Variants in AK9 observed in about 807,000 individuals in gnomAD.
The protein encoded by AK9 is adenylate kinase domain containing 1.
In AK9, 191 loss-of-function variants were observed where a neutral mutation model predicts 239.6. That is an observed-to-expected ratio of 0.80 (90% CI 0.71 to 0.90). The LOEUF is 0.90. AK9 is among the 40% of genes least tolerant of loss of function. The pLI is 0.00. For missense variants in AK9, 1,995 were observed against 2,214.7 expected (o/e 0.90, Z 1.99); for synonymous variants, 689 against 721.0 (o/e 0.96, Z 0.71).
intron 17 of AK9, among the ~76,000 whole-genome samples, chr6:109,598,496 T>C (rs1280707228): frequency 3.3e-5 from 5 of 152,262 alleles, no homozygotes; most frequent in South Asian, 2.1e-4. Context: ...GGGTTGGTTC[T>C]AAGTCTTTGC....
intron 5 of AK9, among the ~76,000 whole-genome samples, chr6:109,671,505 G>A (rs1354953188): frequency 6.6e-6 from 1 of 152,188 alleles, no homozygotes; most frequent in African/African-American, 2.4e-5. Flanking sequence ...AATATCTGGA[G>A]CTCAACAGTA....
At chr6:109,514,463 G>A in intron 31 of AK9, 26 bp from the exon 32 acceptor site, 1 of 1,486,274 alleles carries the variant, frequency 6.7e-7, no homozygotes, top group Non-Finnish European at 9.0e-7. Flanking sequence ...AGTTGAATTT[G>A]AAAGTTAGTT....
At chr6:109,514,526 A>G (rs1779073061) in intron 31 of AK9, 89 bp from the exon 32 acceptor site, 2 of 1,150,232 alleles carry the variant, frequency 1.7e-6, no homozygotes, top group Admixed American at 2.9e-5. Context: ...AATTCGTGAC[A>G]TAAGAAAAAA....
rs558829798 is a variant in AK9 at position 109,647,418 on chromosome 6, A to G, written c.760-2730T>C. On this transcript the variant is annotated intron_variant, in intron 8 of 40. Transcript: ENST00000424296. ...GATCTACCAAGAAAATGGAAAACAA[A>G]AAAAGGCAGGGGTTGCAATCCTAGT... is the stretch of plus-strand genomic sequence containing the variant. Among the ~76,000 whole-genome samples, 31 of 152,324 alleles carry G rather than the reference A, an allele frequency of 2.0e-4. No homozygotes were observed. The South Asian group carries it at 3.1e-3, about 15-fold the overall frequency.
chr6:109,574,508 A>G (rs750900473), intron 20 of AK9, among the ~76,000 whole-genome samples: 16 of 152,322 alleles, frequency 1.1e-4, no homozygotes, highest in Admixed American at 3.9e-4. Flanking sequence ...TCTTTTGGTG[A>G]CAAAGTCAAA....
chr6:109,655,710 T>A (rs980911304), intron 8 of AK9, among the ~76,000 whole-genome samples: 2 of 152,202 alleles, frequency 1.3e-5, no homozygotes, highest in African/African-American at 4.8e-5. Flanking sequence ...CCCCCATAAA[T>A]ACAATTTTCT....
At chr6:109,652,105 AG>A (rs1283938987) in intron 8 of AK9, among the ~76,000 whole-genome samples, 2 of 152,222 alleles carry the variant, frequency 1.3e-5, no homozygotes, top group African/African-American at 4.8e-5. Context: ...CAACAAAAAA[AG>A]AGAATTTTAG....
chr6:109,635,824 A>T (rs1000692265), intron 10 of AK9, among the ~76,000 whole-genome samples: 7 of 152,186 alleles, frequency 4.6e-5, no homozygotes, highest in African/African-American at 7.2e-5. Flanking sequence ...CTTGTTCTAC[A>T]ATTATTAAGA....
chr6:109,517,264 G>A (rs979018488), intron 29 of AK9, among the ~76,000 whole-genome samples: 1 of 152,106 alleles, frequency 6.6e-6, no homozygotes, highest in Non-Finnish European at 1.5e-5. Flanking sequence ...AAGTTGGGGA[G>A]GCATGCTAAC....
At chr6:109,610,893 T>TGAG (rs1793501562) in intron 16 of AK9, among the ~76,000 whole-genome samples, 1 of 152,048 alleles carries the variant, frequency 6.6e-6, no homozygotes, top group Admixed American at 6.5e-5. Context: ...GTTACTAGCA[T>TGAG]GAGACTACAA....
At chr6:109,622,113 T>TTATATATAATG (rs1491225881) in intron 12 of AK9, among the ~76,000 whole-genome samples, 4 of 146,812 alleles carry the variant, frequency 2.7e-5, no homozygotes, top group Non-Finnish European at 4.5e-5. Flanking sequence ...ATTTTATACA[T>TTATATATAATG]TATATATAAT....
chr6:109,674,208 A>C lies in AK9; in HGVS notation c.171T>G (p.Ile57Met), dbSNP rs747201463. 2.5e-6 allele frequency: 4 copies of C among 1,579,514 alleles called. No homozygotes were observed. Among genetic ancestry groups the C allele is most frequent in the Non-Finnish European group, 3.4e-6 (4 of 1,166,610 alleles). ...AAAGATAAAATTTACCTTCAACACG[A>C]ATACATTTCCATGCCTGTGTTATGT... ...ARYITQAWKC[I>M]RVEALPILEE... The change falls in exon 3 of 41, where the codon ATT becomes ATG. Residue 57 changes from isoleucine to methionine, a missense_variant. Physicochemically the swap from Ile to Met is conservative, Grantham distance 10 (BLOSUM62 1). Around this residue, in one of 5 missense-constraint regions of AK9, gnomAD observed 252 missense variants for 246.4 expected, o/e 1.02. Transcript: ENST00000424296.
At chr6:109,618,007 G>T (rs1040515076) in intron 13 of AK9, among the ~76,000 whole-genome samples, 5 of 152,152 alleles carry the variant, frequency 3.3e-5, no homozygotes, top group Admixed American at 3.3e-4. Context: ...TACATGCAAT[G>T]CAGTTAGCAT....
At chr6:109,672,610 CAGG>C (rs1393023867) in intron 3 of AK9, among the ~76,000 whole-genome samples, 1 of 152,062 alleles carries the variant, frequency 6.6e-6, no homozygotes, top group East Asian at 1.9e-4. Flanking sequence ...CACTTGAGCC[CAGG>C]AGGTCAAGTT....
intron 21 of AK9, among the ~76,000 whole-genome samples, chr6:109,571,426 G>T (rs1787398260): frequency 6.6e-6 from 1 of 152,108 alleles, no homozygotes; most frequent in Non-Finnish European, 1.5e-5. Flanking sequence ...CTTTAAAAAT[G>T]TCCGAGAGGA....
chr6:109,663,947 A>G (rs1490085693), intron 5 of AK9, among the ~76,000 whole-genome samples: 3 of 152,208 alleles, frequency 2.0e-5, no homozygotes, highest in Non-Finnish European at 4.4e-5. Flanking sequence ...TTCTTCATGT[A>G]TTTCAGCGAA....
chr6:109,571,243 T>A (rs193206431), intron 21 of AK9, among the ~76,000 whole-genome samples: 2 of 152,208 alleles, frequency 1.3e-5, no homozygotes, highest in Non-Finnish European at 2.9e-5. Flanking sequence ...TAATACCACA[T>A]AGCTACAGAA....
rs142277030 is a variant in AK9 at position 109,493,920 on chromosome 6, C to T, written c.5533+61G>A. The T allele has an allele frequency of 5.2e-5, 66 of 1,265,110 alleles. No homozygotes were observed. In the East Asian group the frequency reaches 1.5e-3, roughly 29 times the overall value. 78.4% of individuals were successfully genotyped at this position (1,265,110 alleles called of 1,614,324 possible). A position where few individuals can be genotyped will look rare whatever the true frequency, so the allele number is the denominator to read the frequency against. ...AACACAGTTTAACAATCCTATTCAT[C>T]ACTTATACTACCATTAATGTTAAAT... On this transcript the variant is annotated intron_variant, in intron 40 of 40. Transcript: ENST00000424296.
intron 32 of AK9, among the ~76,000 whole-genome samples, chr6:109,512,880 T>C (rs1385159658): frequency 6.6e-6 from 1 of 152,254 alleles, no homozygotes; most frequent in African/African-American, 2.4e-5. Context: ...ATTACTTGTT[T>C]TGAGACAGGC....
Sources: allele counts gnomAD v4.1 joint callset (sites outside exome capture counted in the v4.1 genomes callset), GRCh38; gene constraint gnomAD v4.1.1; regional missense constraint gnomAD v4.1.1; transcripts MANE v1.5; gene names NCBI Gene and HGNC (gene_info 2026-07-23, HGNC 2026-07-21).